GRM7: variants seen among roughly 807,000 people sequenced by gnomAD.
GRM7 encodes the protein metabotropic glutamate receptor 7.
Under a neutral mutation model 84.5 loss-of-function variants are expected in GRM7, and 35 were observed. The observed-to-expected ratio is 0.41, with a 90% CI of 0.32 to 0.55. GRM7 has a LOEUF of 0.55. GRM7 is among the 20% of genes least tolerant of loss of function. The probability of loss-of-function intolerance (pLI) is 0.19; values close to 1 mark genes in which losing one functional copy is unlikely to be tolerated. For synonymous variants in GRM7, 487 were observed against 455.1 expected (o/e 1.07, Z -0.89); for missense variants, 1,003 against 1,194.6 (o/e 0.84, Z 2.36).
intron 1 of GRM7, among the ~76,000 whole-genome samples, chr3:7,046,767 T>G (rs139137237): frequency 6.6e-6 from 1 of 152,092 alleles, no homozygotes; most frequent in Non-Finnish European, 1.5e-5. Context: ...TTCTGATGGA[T>G]AGCGCTTCAG....
At chr3:6,918,319 G>C (rs1575012836) in intron 1 of GRM7, among the ~76,000 whole-genome samples, 1 of 152,190 alleles carries the variant, frequency 6.6e-6, no homozygotes, top group East Asian at 1.9e-4. Flanking sequence ...CTATCGCCTT[G>C]TAGGACGACA....
intron 8 of GRM7, among the ~76,000 whole-genome samples, chr3:7,673,288 T>C (rs1184640268): frequency 6.6e-6 from 1 of 152,188 alleles, no homozygotes; most frequent in African/African-American, 2.4e-5. Context: ...CCAAGAATAT[T>C]GATCATACCT....
At chr3:7,097,654 C>T (rs1400346836) in intron 1 of GRM7, among the ~76,000 whole-genome samples, 2 of 152,096 alleles carry the variant, frequency 1.3e-5, no homozygotes, top group African/African-American at 4.8e-5. Flanking sequence ...ATTCTCTCTA[C>T]TGTCTGCATT....
At chr3:7,170,188 C>T (rs763132836) in intron 2 of GRM7, among the ~76,000 whole-genome samples, 1 of 152,060 alleles carries the variant, frequency 6.6e-6, no homozygotes, top group African/African-American at 2.4e-5. Context: ...GGGAGTAAAT[C>T]GATTGTTAGG....
chr3:7,292,562 G>A (rs772966653), intron 2 of GRM7, among the ~76,000 whole-genome samples: 2 of 152,024 alleles, frequency 1.3e-5, no homozygotes, highest in South Asian at 2.1e-4. Flanking sequence ...ACTTAGAATA[G>A]CATCAACATG....
intron 1 of GRM7, among the ~76,000 whole-genome samples, chr3:7,132,657 G>A (rs138771561): frequency 6.6e-6 from 1 of 152,208 alleles, no homozygotes; most frequent in African/African-American, 2.4e-5. Context: ...AAAATTTTTT[G>A]TCAAGTAAGC....
At chr3:6,994,963 A>G (rs1694781207) in intron 1 of GRM7, among the ~76,000 whole-genome samples, 1 of 152,180 alleles carries the variant, frequency 6.6e-6, no homozygotes. Context: ...GTTACACTTT[A>G]CCATCCTGTA....
intron 1 of GRM7, among the ~76,000 whole-genome samples, chr3:6,914,903 C>T (rs573804708): frequency 3.3e-5 from 5 of 152,146 alleles, no homozygotes; most frequent in East Asian, 1.9e-4. Flanking sequence ...TGGCCCCTAT[C>T]GTTCTTTGCA....
chr3:7,698,548 A>G (rs922743236), intron 9 of GRM7, among the ~76,000 whole-genome samples: 1 of 152,194 alleles, frequency 6.6e-6, no homozygotes, highest in Non-Finnish European at 1.5e-5. Flanking sequence ...CCAATGGACT[A>G]CCTCCCAGTG....
intron 5 of GRM7, among the ~76,000 whole-genome samples, chr3:7,446,843 C>T (rs1287221468): frequency 6.6e-6 from 1 of 152,060 alleles, no homozygotes; most frequent in African/African-American, 2.4e-5. Context: ...TTTGCTGATA[C>T]ATTTTAACTA....
intron 7 of GRM7, among the ~76,000 whole-genome samples, chr3:7,568,859 G>A (rs552496840): frequency 5.9e-5 from 9 of 152,192 alleles, no homozygotes; most frequent in East Asian, 1.9e-4. Context: ...CCTGCAGCCC[G>A]CCATGCCTGA....
intron 2 of GRM7, among the ~76,000 whole-genome samples, chr3:7,186,396 A>G (rs888006976): frequency 6.6e-6 from 1 of 152,208 alleles, no homozygotes; most frequent in African/African-American, 2.4e-5. Context: ...AAATGTTACA[A>G]ATAAACATTT....
chr3:7,460,701 G>GT (rs1441640407), intron 6 of GRM7, among the ~76,000 whole-genome samples: 2 of 152,062 alleles, frequency 1.3e-5, no homozygotes, highest in African/African-American at 4.8e-5. Flanking sequence ...TTTGTGATTC[G>GT]TTTGTAACTA....
At chr3:7,204,275 G>A (rs1338015265) in intron 2 of GRM7, among the ~76,000 whole-genome samples, 4 of 152,130 alleles carry the variant, frequency 2.6e-5, no homozygotes, top group African/African-American at 9.7e-5. Context: ...CAGAGGAGGA[G>A]AGATGATCTC....
intron 1 of GRM7, among the ~76,000 whole-genome samples, chr3:6,962,592 T>C (rs146836100): frequency 1.7e-3 from 260 of 152,324 alleles, no homozygotes; most frequent in Middle Eastern, 0.01. Flanking sequence ...CATATACTTA[T>C]TCCTATCAGT....
At chr3:7,205,759 T>G (rs1014087411) in intron 2 of GRM7, among the ~76,000 whole-genome samples, 1 of 152,142 alleles carries the variant, frequency 6.6e-6, no homozygotes, top group Non-Finnish European at 1.5e-5. Context: ...TCATTTTACG[T>G]GTGGCTGATA....
intron 1 of GRM7, among the ~76,000 whole-genome samples, chr3:6,962,627 T>A (rs1693345411): frequency 6.6e-6 from 1 of 152,054 alleles, no homozygotes; most frequent in African/African-American, 2.4e-5. Flanking sequence ...AGGTGAGAAG[T>A]GGTTAAACAT....
intron 4 of GRM7, among the ~76,000 whole-genome samples, chr3:7,399,173 C>T (rs982314276): frequency 2.0e-5 from 2 of 99,634 alleles, no homozygotes; most frequent in Non-Finnish European, 4.2e-5. Flanking sequence ...TAAAAAACAA[C>T]AAGAACAATA....
intron 4 of GRM7, among the ~76,000 whole-genome samples, chr3:7,338,903 G>A (rs17047155): frequency 0.039 from 5,927 of 151,252 alleles, 245 homozygotes; most frequent in African/African-American, 0.11. Flanking sequence ...GCTAGCTGTA[G>A]TTTCATAAAC....
Sources: gnomAD v4.1 joint callset for allele counts (sites outside exome capture counted in the v4.1 genomes callset) on GRCh38, gnomAD v4.1.1 for gene constraint, MANE v1.5 for transcripts, NCBI Gene and HGNC (gene_info 2026-07-23, HGNC 2026-07-21) for gene names.